The following GALNT13 variants were observed in gnomAD, a reference collection of about 807,000 sequenced individuals.
GALNT13 encodes polypeptide N-acetylgalactosaminyltransferase 13.
GALNT13 carries 28 observed loss-of-function variants against 64.2 expected under a neutral mutation model. The ratio of observed to expected loss-of-function variants is 0.44; its 90% CI spans 0.32 to 0.60. The LOEUF is 0.60. Among genes scored for constraint, GALNT13 ranks in the 20% least tolerant of loss-of-function variants. The probability of loss-of-function intolerance (pLI) is 0.05; values close to 1 mark genes in which losing one functional copy is unlikely to be tolerated. For missense variants in GALNT13, 577 were observed against 669.8 expected (o/e 0.86, Z 1.53); for synonymous variants, 214 against 224.6 (o/e 0.95, Z 0.42).
At chr2:153,547,302 T>G in the GALNT13 span, among the ~76,000 whole-genome samples, 22 of 152,212 alleles carry the variant, frequency 1.4e-4, no homozygotes, top group Non-Finnish European at 2.1e-4. Flanking sequence ...CCTTCAAGGT[T>G]GTACTATGTC....
the GALNT13 span, among the ~76,000 whole-genome samples, chr2:153,564,156 C>T: frequency 2.0e-5 from 3 of 152,004 alleles, no homozygotes; most frequent in South Asian, 2.1e-4. Flanking sequence ...TGGGCTATTT[C>T]GTCACTAGAT....
chr2:153,375,077 G>A, the GALNT13 span, among the ~76,000 whole-genome samples: 1 of 152,084 alleles, frequency 6.6e-6, no homozygotes, highest in Non-Finnish European at 1.5e-5. Context: ...ACTAGCTTCT[G>A]GAGTTTGGCC....
intron 4 of GALNT13, among the ~76,000 whole-genome samples, chr2:154,176,260 T>TTTAG (rs909425985): frequency 6.8e-6 from 1 of 147,086 alleles, no homozygotes; most frequent in Non-Finnish European, 1.5e-5. Flanking sequence ...TATTTATTTA[T>TTTAG]TTATTTATTT....
the GALNT13 span, among the ~76,000 whole-genome samples, chr2:153,678,331 G>A: frequency 9.9e-5 from 15 of 152,130 alleles, no homozygotes; most frequent in South Asian, 3.1e-3. Flanking sequence ...ATATACCCAT[G>A]GAATTCTATG....
the GALNT13 span, among the ~76,000 whole-genome samples, chr2:153,545,786 G>A: frequency 6.6e-6 from 1 of 152,152 alleles, no homozygotes; most frequent in Non-Finnish European, 1.5e-5. Context: ...CCACACTACA[G>A]AAGTCTCTTA....
chr2:154,187,369 AACACACACACACACACACACACAC>A (rs10578569), intron 4 of GALNT13, among the ~76,000 whole-genome samples: 2 of 140,260 alleles, frequency 1.4e-5, no homozygotes, highest in African/African-American at 2.7e-5. Context: ...GATAGGAGAA[AACACACACACACACACACACACAC>A]ACACACACAC....
At chr2:153,821,082 A>C in the GALNT13 span, among the ~76,000 whole-genome samples, 3 of 152,164 alleles carry the variant, frequency 2.0e-5, no homozygotes. Flanking sequence ...TGGAGCACCC[A>C]GATTCTTAAA....
At chr2:153,813,101 C>G in the GALNT13 span, among the ~76,000 whole-genome samples, 3 of 152,064 alleles carry the variant, frequency 2.0e-5, no homozygotes, top group Non-Finnish European at 4.4e-5. Context: ...ATCTTATTGT[C>G]ATTTCTCACT....
chr2:153,937,865 A>T (rs990100040), intron 2 of GALNT13, among the ~76,000 whole-genome samples: 6 of 152,202 alleles, frequency 3.9e-5, no homozygotes, highest in African/African-American at 1.2e-4. Context: ...TGATCATTGG[A>T]TTTGACCGTG....
At chr2:154,424,163 C>T (rs1192788301) in intron 11 of GALNT13, among the ~76,000 whole-genome samples, 5 of 152,060 alleles carry the variant, frequency 3.3e-5, no homozygotes, top group Admixed American at 6.5e-5. Flanking sequence ...GGATTGGATT[C>T]GTAGGGGAAC....
the GALNT13 span, among the ~76,000 whole-genome samples, chr2:153,551,243 C>T: frequency 2.0e-5 from 3 of 152,266 alleles, no homozygotes; most frequent in African/African-American, 7.2e-5. Context: ...CAGTGTGAGA[C>T]TCTGCTGACC....
chr2:153,868,363 A>G (rs1325920514), upstream of GALNT13, among the ~76,000 whole-genome samples: 1 of 152,208 alleles, frequency 6.6e-6, no homozygotes, highest in Non-Finnish European at 1.5e-5. Context: ...AGGGCATGTT[A>G]GAGATTTTAG....
chr2:153,651,800 A>G, the GALNT13 span, among the ~76,000 whole-genome samples: 4 of 152,216 alleles, frequency 2.6e-5, no homozygotes, highest in African/African-American at 9.6e-5. Context: ...TGGATTGACT[A>G]TTCATTTCCT....
At chr2:153,654,294 C>T in the GALNT13 span, among the ~76,000 whole-genome samples, 1 of 152,062 alleles carries the variant, frequency 6.6e-6, no homozygotes, top group Non-Finnish European at 1.5e-5. Context: ...TAACCAAATG[C>T]AATTGTGTGG....
intron 2 of GALNT13, among the ~76,000 whole-genome samples, chr2:153,920,104 A>G (rs1689651774): frequency 6.6e-6 from 1 of 151,274 alleles, no homozygotes; most frequent in South Asian, 2.1e-4. Flanking sequence ...GTTCTTTGAT[A>G]CAGACATTCA....
At chr2:153,527,850 T>C in the GALNT13 span, among the ~76,000 whole-genome samples, 2 of 152,080 alleles carry the variant, frequency 1.3e-5, no homozygotes, top group South Asian at 2.1e-4. Flanking sequence ...GATTTAATTT[T>C]TATCAGCTTA....
chr2:153,213,660 C>T, the GALNT13 span, among the ~76,000 whole-genome samples: 2 of 152,142 alleles, frequency 1.3e-5, no homozygotes, highest in East Asian at 1.9e-4. Context: ...CACAAATGGA[C>T]GCTCCAGTCC....
At chr2:153,341,356 A>G in the GALNT13 span, among the ~76,000 whole-genome samples, 1 of 152,176 alleles carries the variant, frequency 6.6e-6, no homozygotes, top group Non-Finnish European at 1.5e-5. Flanking sequence ...CTCATAAGAC[A>G]CTTCAGTGGC....
rs1687557782 is a variant in GALNT13, at chr2:153,891,616, T to A, written c.-176-9320T>A. ...TTCTGTCACTCCTGCTAGCCCTCAG[T>A]CAAGGTTGTGCTTAATCTAAACCCA... On this transcript the variant is annotated intron_variant, in intron 1 of 12. Transcript: ENST00000392825. Among the ~76,000 whole-genome samples the A allele has an allele frequency of 2.0e-5, 3 of 152,020 alleles. No individual in the cohort carries two copies. In the South Asian group the frequency reaches 6.2e-4, roughly 32 times the overall value.
Sources: allele counts gnomAD v4.1 joint callset (sites outside exome capture counted in the v4.1 genomes callset), GRCh38; gene constraint gnomAD v4.1.1; transcripts MANE v1.5; gene names NCBI Gene and HGNC (gene_info 2026-07-23, HGNC 2026-07-21).